The following USP6 variants were observed in gnomAD, a reference collection of about 807,000 sequenced individuals.
USP6 encodes ubiquitin specific peptidase 6.
In USP6, 128 loss-of-function variants were observed where a neutral mutation model predicts 175.7. The ratio of observed to expected loss-of-function variants is 0.73; its 90% CI spans 0.63 to 0.84. USP6 has a LOEUF of 0.84. Among genes scored for constraint, USP6 ranks in the 40% least tolerant of loss-of-function variants. The probability of loss-of-function intolerance (pLI) is 0.00; values close to 1 mark genes in which losing one functional copy is unlikely to be tolerated. For missense variants in USP6, 1,498 were observed against 1,760.3 expected (o/e 0.85, Z 2.67); for synonymous variants, 562 against 630.6 (o/e 0.89, Z 1.63).
In USP6 at chr17:5,172,835, T is replaced by C. The variant is rs2074257158; in HGVS notation, c.4078T>C (p.Ser1360Pro). Residue 1360 changes from serine to proline, a missense_variant, in exon 38 of 38, where the codon TCT becomes CCT. Ser to Pro is a moderately conservative substitution (Grantham distance 74). Around this residue, in one of 2 missense-constraint regions of USP6, gnomAD observed 1,217 missense variants for 1,500.8 expected, o/e 0.81. Transcript: ENST00000574788. The stretch of plus-strand genomic sequence containing the variant: ...TCACCCTGATGAAATTGACACCGAC[T>C]CTGCCTACATTCTTTTCTATGAGCA... ...ELHPDEIDTD[S>P]AYILFYEQQG... 6.2e-7 allele frequency: 1 copy of C among 1,613,886 alleles called. No individual in the cohort carries two copies. The highest frequency in any genetic ancestry group is 1.7e-5 in the Admixed American group (1 of 60,014).
chr17:5,126,700 TTCTC>T (rs901244307), intron 6 of USP6: 4 of 152,146 alleles, frequency 2.6e-5, no homozygotes, highest in East Asian at 1.9e-4. Flanking sequence ...CCTTTTCCAG[TTCTC>T]TCTCTCTCCT....
rs537508005 is a variant in USP6, at chr17:5,170,321, A to T, written c.3518-158A>T. On this transcript the variant is annotated intron_variant, in intron 35 of 37. Coordinates refer to ENST00000574788, the MANE Select transcript of USP6 (RefSeq NM_001304284.2). ...ATTGAAGAAGACAAAAATGTAACTT[A>T]CTGGCTACACAATAGGAACCAAAGG... 5.9e-5 allele frequency among the ~76,000 whole-genome samples: 9 copies of T among 152,332 alleles called. No individual in the cohort carries two copies. In the South Asian group the frequency reaches 1.9e-3, roughly 32 times the overall value.
rs1345340526 is a variant in USP6, at chr17:5,151,402, C to T, written c.2643+2635C>T. Among the ~76,000 whole-genome samples the T allele has an allele frequency of 3.3e-5, 5 of 151,184 alleles. No homozygotes were observed. In the Admixed American group the frequency reaches 3.3e-4, roughly 10 times the overall value. ...AAACTAATCTACAGATGACTTAATGCACAATCCCAATAAAAATGCAAAGTC... is the reference window on the plus strand; with the variant it reads ...AAACTAATCTACAGATGACTTAATGTACAATCCCAATAAAAATGCAAAGTC... On this transcript the variant is annotated intron_variant, in intron 30 of 37. Coordinates refer to ENST00000574788, the MANE Select transcript of USP6 (RefSeq NM_001304284.2).
At chr17:5,130,969 C>G (rs1199016696) in intron 11 of USP6, among the ~76,000 whole-genome samples, 1 of 152,220 alleles carries the variant, frequency 6.6e-6, no homozygotes, top group Non-Finnish European at 1.5e-5. Context: ...ACAAGAGGAG[C>G]GGGGCAGCCT....
intron 9 of USP6, 108 bp downstream of exon 9, chr17:5,130,197 C>T (rs2073017726): frequency 3.2e-6 from 2 of 634,692 alleles, no homozygotes; most frequent in South Asian, 1.8e-5. Context: ...CTTCAGACTG[C>T]AGAGACCCAT....
intron 34 of USP6, 118 bp from the exon 35 acceptor site, chr17:5,168,649 G>T (rs1402913820): frequency 1.7e-4 from 235 of 1,369,746 alleles, no homozygotes; most frequent in Non-Finnish European, 2.3e-4. Flanking sequence ...AAATAATGAA[G>T]AGTAAATGTT....
chr17:5,173,336 G>A lies in USP6; in HGVS notation c.*358G>A, dbSNP rs1208636000. On this transcript the variant is annotated 3_prime_UTR_variant, in exon 38 of 38. Coordinates refer to ENST00000574788, the MANE Select transcript of USP6 (RefSeq NM_001304284.2). The stretch of plus-strand genomic sequence containing the variant: ...ATAACAAATATTAAAGATTTCCTTG[G>A]AGTCAGAGGAAAAAACAAACAATTA... The A allele has an allele frequency of 4.2e-6, 1 of 237,230 alleles. No individual in the cohort carries two copies. The highest frequency in any genetic ancestry group is 5.5e-5 in the Admixed American group (1 of 18,346). The allele number at this position is 237,230 out of a possible 1,614,324, so 14.7% of individuals were successfully genotyped here.
rs138322728 is a variant in USP6, at chr17:5,171,312, C to A, written c.3955-275C>A. Among the ~76,000 whole-genome samples, 3 of 152,152 alleles carry A rather than the reference C, an allele frequency of 2.0e-5. No individual in the cohort carries two copies. In the East Asian group the frequency reaches 5.8e-4, roughly 29 times the overall value. ...TTGTGATCACTCGACTGCACCCCAG[C>A]CTGGGTGATAGAGCAAGCCCCTGTC... On this transcript the variant is annotated intron_variant, in intron 36 of 37. Transcript: ENST00000574788.
chr17:5,130,532 G>A (rs1293066474), intron 10 of USP6, 70 bp from the exon 11 acceptor site: 7 of 1,610,882 alleles, frequency 4.3e-6, no homozygotes, highest in African/African-American at 1.3e-5. Flanking sequence ...GCAGGGACGG[G>A]TGGCCAATAC....
In USP6 at chr17:5,139,576, G is replaced by T. The variant is rs763210599; in HGVS notation, c.1400G>T (p.Trp467Leu). 1 of 1,613,778 alleles carries T rather than the reference G, an allele frequency of 6.2e-7. No homozygotes were observed. Among genetic ancestry groups the T allele is most frequent in the Admixed American group, 1.7e-5 (1 of 60,032 alleles). The change falls in exon 22 of 38, where the codon TGG (tryptophan) becomes TTG (leucine). Residue 467 changes from tryptophan (W) to leucine (L), a missense_variant. This residue lies in a region of USP6 where 1,217 missense variants were observed against 1,500.8 expected (regional missense o/e 0.81). Transcript: ENST00000574788. ...LPTDLDIGGP[W>L]FPHYDFEWSC... ...ACGGACCTGGATATAGGGGGCCCTT[G>T]GTTCCCCCATTATGATTTTGAATGG...
chr17:5,121,982 G>T (rs1241813767), intron 4 of USP6, among the ~76,000 whole-genome samples: 1 of 152,100 alleles, frequency 6.6e-6, no homozygotes, highest in East Asian at 1.9e-4. Flanking sequence ...GGAGGGATTT[G>T]GAGCTGAAGA....
intron 2 of USP6, among the ~76,000 whole-genome samples, chr17:5,119,563 A>T (rs2072606120): frequency 6.6e-6 from 1 of 152,140 alleles, no homozygotes; most frequent in South Asian, 2.1e-4. Context: ...CCCATCTTTT[A>T]TGGATGCCTA....
Position 5,174,808 on chromosome 17 carries a change from A to G in USP6, c.*1830A>G, listed in dbSNP as rs1377503791. 1.0e-5 allele frequency: 2 copies of G among 196,458 alleles called. No individual in the cohort carries two copies. The highest frequency in any genetic ancestry group is 4.6e-5 in the African/African-American group (2 of 43,278). 12.2% of individuals were successfully genotyped at this position (196,458 alleles called of 1,614,324 possible). A position where few individuals can be genotyped will look rare whatever the true frequency, so the allele number is the denominator to read the frequency against. On this transcript the variant is annotated 3_prime_UTR_variant, in exon 38 of 38. Coordinates refer to ENST00000574788, the MANE Select transcript of USP6 (RefSeq NM_001304284.2). ...CTACATTCACCTTGTAAATTACTGT[A>G]TAAAACTTGTTGACAATGCACTGAC...
rs368193084 is a variant in USP6 at position 5,139,310 on chromosome 17, G to A, written c.1134G>A (p.Gly378=). Residue 378 remains glycine, a synonymous_variant, in exon 22 of 38, where the codon GGG becomes GGA. Coordinates refer to ENST00000574788, the MANE Select transcript of USP6 (RefSeq NM_001304284.2). ...APRPVPASRG[G]KTLCKGYRQA... is the part of the protein sequence containing the mutation. ...GGCCTGTGCCGGCTTCACGTGGTGG[G>A]AAGACCCTCTGCAAGGGGTATAGGC... The A allele has an allele frequency of 2.5e-6, 4 of 1,609,686 alleles. No homozygotes were observed. In the African/African-American group the frequency reaches 5.3e-5, roughly 21 times the overall value.
chr17:5,130,426 T>A lies in USP6; in HGVS notation c.59T>A (p.Met20Lys). The A allele has an allele frequency of 6.2e-7, 1 of 1,614,090 alleles. No homozygotes were observed. Among genetic ancestry groups the A allele is most frequent in the African/African-American group, 1.3e-5 (1 of 75,032 alleles). Residue 20 changes from methionine to lysine, a missense_variant, in exon 10 of 38, where the codon ATG becomes AAG. Met to Lys is a moderately conservative substitution (Grantham distance 95). Transcript: ENST00000574788. ...LQAQERKDIL[M>K]KYDKGHRAGL... ...GCACAGGAGCGGAAGGACATACTTA[T>A]GAAGTATGACAAGGTACAGTTCGGT...
Position 5,173,810 on chromosome 17 carries a change from T to C in USP6, c.*832T>C, listed in dbSNP as rs1334658809. 6 of 222,824 alleles carry C rather than the reference T, an allele frequency of 2.7e-5. No homozygotes were observed. The highest frequency in any genetic ancestry group is 4.5e-5 in the Non-Finnish European group (5 of 111,292). 13.8% of individuals were successfully genotyped at this position (222,824 alleles called of 1,614,324 possible). On this transcript the variant is annotated 3_prime_UTR_variant, in exon 38 of 38. Transcript: ENST00000574788. ...CTGAGGGAAGGGGAGCAGTTGCCAA[T>C]ATTTGCACCATCTTCACATGCACAT...
rs1228925170 is a variant in USP6 at position 5,132,966 on chromosome 17, G to A, written c.252G>A (p.Trp84Ter). Residue 84 changes from tryptophan (W) to a stop codon, truncating the protein, a stop_gained, in exon 13 of 38, where the codon TGG becomes TGA. Transcript: ENST00000574788. LOFTEE classifies it high-confidence loss of function. This position sits in a 1 kb window ranked among gnomAD's most constrained non-coding sequence, Gnocchi z 4.7. ...TSKWMEMLGE[W>*]ETYKHSSKLI... The stretch of plus-strand genomic sequence containing the variant: ...AGTGGATGGAAATGCTGGGAGAATG[G>A]GAGACATATAAGCACAGTAGCAAAG... 1 of 1,614,176 alleles carries A rather than the reference G, an allele frequency of 6.2e-7. No homozygotes were observed. The highest frequency in any genetic ancestry group is 1.1e-5 in the South Asian group (1 of 91,082).
intron 30 of USP6, among the ~76,000 whole-genome samples, chr17:5,153,077 G>T (rs994222050): frequency 6.6e-6 from 1 of 152,144 alleles, no homozygotes; most frequent in East Asian, 1.9e-4. Flanking sequence ...GAAATCTAGT[G>T]TTTATTTACT....
intron 2 of USP6, among the ~76,000 whole-genome samples, chr17:5,119,678 T>A (rs1164755174): frequency 6.6e-6 from 1 of 152,210 alleles, no homozygotes; most frequent in African/African-American, 2.4e-5. Context: ...AACTAACTAA[T>A]GAGTAACTCA....
Sources: gnomAD v4.1 joint callset for allele counts (sites outside exome capture counted in the v4.1 genomes callset) on GRCh38, gnomAD v4.1.1 for gene constraint, gnomAD v4.1.1 regional missense constraint, Gnocchi (gnomAD v3.1) non-coding constraint, MANE v1.5 for transcripts, NCBI Gene and HGNC (gene_info 2026-07-23, HGNC 2026-07-21) for gene names.